SNCAIP: variants seen among roughly 807,000 people sequenced by gnomAD.
SNCAIP encodes synuclein alpha interacting protein, also known as synphilin-1.
Under a neutral mutation model 86.7 loss-of-function variants are expected in SNCAIP, and 43 were observed. The observed-to-expected ratio is 0.50, with a 90% CI of 0.39 to 0.64. The LOEUF is 0.64. SNCAIP is among the 30% of genes least tolerant of loss of function. The pLI, the probability that SNCAIP is intolerant of heterozygous loss-of-function variation, is 0.00. For missense variants in SNCAIP, 981 were observed against 1,103.1 expected (o/e 0.89, Z 1.57); for synonymous variants, 417 against 427.2 (o/e 0.98, Z 0.29).
intron 1 of SNCAIP, among the ~76,000 whole-genome samples, chr5:122,369,611 C>G (rs1369313714): frequency 6.6e-6 from 1 of 152,192 alleles, no homozygotes; most frequent in African/African-American, 2.4e-5. Flanking sequence ...CCTTTGAACT[C>G]AGTTCTCAAA....
chr5:122,330,713 G>C (rs1755140645), intron 1 of SNCAIP, among the ~76,000 whole-genome samples: 2 of 152,036 alleles, frequency 1.3e-5, no homozygotes, highest in Admixed American at 6.6e-5. Context: ...TTGGCACCAG[G>C]GACTGGTCTC....
intron 3 of SNCAIP, among the ~76,000 whole-genome samples, chr5:122,407,578 A>G (rs1387588338): frequency 6.6e-6 from 1 of 152,262 alleles, no homozygotes; most frequent in African/African-American, 2.4e-5. Context: ...TTTCAAAATC[A>G]TCTAGTCTGC....
At chr5:122,384,826 C>T (rs1382139257) in intron 1 of SNCAIP, among the ~76,000 whole-genome samples, 1 of 152,184 alleles carries the variant, frequency 6.6e-6, no homozygotes, top group African/African-American at 2.4e-5. Flanking sequence ...GCTCTGTGTT[C>T]ACTCTGGCTT....
chr5:122,354,925 AAT>A (rs1228477936), intron 1 of SNCAIP, among the ~76,000 whole-genome samples: 39 of 152,330 alleles, frequency 2.6e-4, no homozygotes, highest in African/African-American at 9.1e-4. Context: ...AATTAAAGAA[AAT>A]ATGTTTGTTT....
At chr5:122,368,284 C>T (rs1763583684) in intron 1 of SNCAIP, among the ~76,000 whole-genome samples, 1 of 152,128 alleles carries the variant, frequency 6.6e-6, no homozygotes, top group Non-Finnish European at 1.5e-5. Flanking sequence ...ATGATGGCAG[C>T]TCCTCCCCTC....
intron 3 of SNCAIP, among the ~76,000 whole-genome samples, chr5:122,407,889 T>C (rs930844277): frequency 1.3e-5 from 2 of 152,110 alleles, no homozygotes; most frequent in Admixed American, 1.3e-4. Context: ...GAGAGCACAA[T>C]CTCACAAGGC....
intron 3 of SNCAIP, among the ~76,000 whole-genome samples, chr5:122,415,349 T>C (rs1428784674): frequency 6.6e-6 from 1 of 152,252 alleles, no homozygotes; most frequent in East Asian, 1.9e-4. Context: ...AGTGTGTCCT[T>C]CTTAAAATAA....
At chr5:122,452,048 C>T (rs1004632235) in intron 10 of SNCAIP, among the ~76,000 whole-genome samples, 2 of 152,168 alleles carry the variant, frequency 1.3e-5, no homozygotes, top group African/African-American at 4.8e-5. Context: ...TAAATAGATG[C>T]TCTATTGCCA....
At chr5:122,451,822 T>G in intron 10 of SNCAIP, 1 of 462,102 alleles carries the variant, frequency 2.2e-6, no homozygotes, top group Non-Finnish European at 3.9e-6. Flanking sequence ...AGAGAAAGGT[T>G]AAAAAAAAAA....
intron 1 of SNCAIP, among the ~76,000 whole-genome samples, chr5:122,329,421 GC>G (rs1561520241): frequency 6.6e-6 from 1 of 152,120 alleles, no homozygotes; most frequent in African/African-American, 2.4e-5. Context: ...CACTCAAAAA[GC>G]CTTGCCTTAT....
chr5:122,443,675 A>G, intron 7 of SNCAIP: 1 of 456,644 alleles, frequency 2.2e-6, no homozygotes, highest in Non-Finnish European at 4.4e-6. Flanking sequence ...AGTGTCAAGG[A>G]CAAGAAGGAG....
intron 1 of SNCAIP, among the ~76,000 whole-genome samples, chr5:122,357,229 T>TTTTATTTA (rs554817683): frequency 6.6e-6 from 1 of 151,980 alleles, no homozygotes; most frequent in African/African-American, 2.4e-5. Context: ...ACCTCTTTAT[T>TTTTATTTA]TTTATTTATT....
In SNCAIP at chr5:122,463,693, T is replaced by A. The variant is rs1041260000; in HGVS notation, c.*197T>A. On this transcript the variant is annotated 3_prime_UTR_variant, in exon 11 of 11. Transcript: ENST00000261368. ...GCCTCACCAGCAGAAGAACAGAATA[T>A]CAGGATGCCTTAAATTTATAGTAGT... The A allele has an allele frequency of 5.1e-6, 3 of 586,502 alleles. No individual in the cohort carries two copies. Among genetic ancestry groups the A allele is most frequent in the African/African-American group, 3.7e-5 (2 of 53,460 alleles). The allele number at this position is 586,502 out of a possible 1,614,324, so 36.3% of individuals were successfully genotyped here.
chr5:122,420,580 T>TATAG (rs1776179083), intron 3 of SNCAIP, among the ~76,000 whole-genome samples: 1 of 150,120 alleles, frequency 6.7e-6, no homozygotes, highest in African/African-American at 2.5e-5. Context: ...TATGAGTATA[T>TATAG]ATATATTTTT....
intron 1 of SNCAIP, among the ~76,000 whole-genome samples, chr5:122,362,707 T>C (rs1319177647): frequency 1.3e-5 from 2 of 152,138 alleles, no homozygotes; most frequent in South Asian, 2.1e-4. Flanking sequence ...AAGAACTCAG[T>C]TGGAGTTTGA....
intron 1 of SNCAIP, among the ~76,000 whole-genome samples, chr5:122,364,837 G>A (rs541052276): frequency 4.6e-5 from 7 of 152,164 alleles, no homozygotes; most frequent in African/African-American, 1.4e-4. Context: ...GTGACCATAG[G>A]CAAGTCACTG....
intron 1 of SNCAIP, among the ~76,000 whole-genome samples, chr5:122,382,656 T>C (rs1482035174): frequency 3.3e-5 from 5 of 152,072 alleles, no homozygotes; most frequent in Admixed American, 6.5e-5. Context: ...GTTCTGTTTT[T>C]TCCCCATCTT....
At chr5:122,331,404 T>A (rs1448893945) in intron 1 of SNCAIP, among the ~76,000 whole-genome samples, 2 of 152,214 alleles carry the variant, frequency 1.3e-5, no homozygotes, top group Admixed American at 1.3e-4. Context: ...TCCCAGAAGT[T>A]CAGAAGATAT....
At position 122,439,131 on chromosome 5, in the gene SNCAIP, G is replaced by A. The variant is rs116888160; in HGVS notation, c.1297-1498G>A. Reference sequence around the variant, plus strand: ...AAAAAAACAAAGGAACTGCTTTTACGTTATGCAAATGAAACATCACCTGCT... The same window carrying A: ...AAAAAAACAAAGGAACTGCTTTTACATTATGCAAATGAAACATCACCTGCT... On this transcript the variant is annotated intron_variant, in intron 6 of 10. Transcript: ENST00000261368. 1.4e-3 allele frequency among the ~76,000 whole-genome samples: 206 copies of A among 152,236 alleles called. 3 individuals carry two copies. In the East Asian group the frequency reaches 0.035, roughly 25 times the overall value.
Sources: allele counts gnomAD v4.1 joint callset (sites outside exome capture counted in the v4.1 genomes callset), GRCh38; gene constraint gnomAD v4.1.1; transcripts MANE v1.5; gene names NCBI Gene and HGNC (gene_info 2026-07-23, HGNC 2026-07-21).